ZNF423: variants seen among roughly 807,000 people sequenced by gnomAD.
ZNF423 encodes zinc finger protein 423.
ZNF423 carries 12 observed loss-of-function variants against 95.8 expected under a neutral mutation model. That is an observed-to-expected ratio of 0.13 (90% CI 0.08 to 0.20). ZNF423 has a LOEUF of 0.20. Among genes scored for constraint, ZNF423 ranks in the 10% least tolerant of loss-of-function variants. ZNF423 has a pLI of 1.00. For missense variants in ZNF423, 1,316 were observed against 1,737.1 expected, an observed-to-expected ratio of 0.76 and a Z score of 4.31; for synonymous variants, 749 against 711.9, an observed-to-expected ratio of 1.05 and a Z score of -0.83.
intron 2 of ZNF423, among the ~76,000 whole-genome samples, chr16:49,774,432 G>A (rs1461371802): frequency 6.6e-6 from 1 of 152,148 alleles, no homozygotes; most frequent in Admixed American, 6.5e-5. Context: ...AGGAGAGGGA[G>A]AGGGGGCTCC....
intron 3 of ZNF423, among the ~76,000 whole-genome samples, chr16:49,655,535 A>C (rs2029867501): frequency 1.3e-5 from 2 of 152,192 alleles, no homozygotes; most frequent in Admixed American, 6.5e-5. Context: ...GTCCCCTTCC[A>C]CGTGGGGGCT....
At chr16:49,858,919 C>A (rs1244863145), upstream of ZNF423, among the ~76,000 whole-genome samples, 1 of 152,154 alleles carries the variant, frequency 6.6e-6, no homozygotes, top group Admixed American at 6.5e-5. This position sits in a 1 kb window ranked among gnomAD's most constrained non-coding sequence, Gnocchi z 4.3. Flanking sequence ...AGATGGCACA[C>A]GCTGGGGGAG....
chr16:49,797,982 G>A (rs2034525096), intron 1 of ZNF423, among the ~76,000 whole-genome samples: 1 of 152,184 alleles, frequency 6.6e-6, no homozygotes, highest in Non-Finnish European at 1.5e-5. Context: ...GGCCAAGGCA[G>A]GACGATTGCT....
chr16:49,620,295 C>A lies in ZNF423; in HGVS notation c.3601+5875G>T, dbSNP rs115548079. Among the ~76,000 whole-genome samples the A allele has an allele frequency of 2.3e-3, 351 of 152,228 alleles. 1 individual carries two copies. The highest frequency in any genetic ancestry group is 8.2e-3 in the African/African-American group (341 of 41,504). On this transcript the variant is annotated intron_variant, in intron 5 of 7. Transcript: ENST00000563137. ...CCCTCCAGGTTGGCCAGGGCCAGTC[C>A]TGCCACAGTGACAGGGGAGGGCTGG...
At chr16:49,674,687 C>T (rs2151929286) in intron 3 of ZNF423, among the ~76,000 whole-genome samples, 1 of 152,316 alleles carries the variant, frequency 6.6e-6, no homozygotes, top group Admixed American at 6.5e-5. Context: ...GGCAGCCACG[C>T]AGTGCTGTGC....
At chr16:49,619,781 C>A (rs1237902856) in intron 5 of ZNF423, among the ~76,000 whole-genome samples, 1 of 152,088 alleles carries the variant, frequency 6.6e-6, no homozygotes, top group Non-Finnish European at 1.5e-5. Context: ...CTGACACAGC[C>A]CGGTTCAGCA....
At chr16:49,808,463 C>G (rs1010428191) in intron 1 of ZNF423, among the ~76,000 whole-genome samples, 1 of 152,184 alleles carries the variant, frequency 6.6e-6, no homozygotes, top group East Asian at 1.9e-4. Context: ...AACCATTCAC[C>G]TATCAGCCAC....
intron 5 of ZNF423, among the ~76,000 whole-genome samples, chr16:49,598,916 A>G (rs1449161869): frequency 6.6e-6 from 1 of 152,222 alleles, no homozygotes; most frequent in Non-Finnish European, 1.5e-5. Flanking sequence ...TAGGTTCAAA[A>G]CTGGATGCTC....
At chr16:49,854,730 G>C (rs1442933216) in intron 1 of ZNF423, 1 of 985,320 alleles carries the variant, frequency 1.0e-6, no homozygotes, top group Non-Finnish European at 1.2e-6. Flanking sequence ...CTCTGCTGCC[G>C]GCGCGCGGCC....
At chr16:49,742,204 G>A (rs1205215797) in intron 2 of ZNF423, among the ~76,000 whole-genome samples, 1 of 152,026 alleles carries the variant, frequency 6.6e-6, no homozygotes, top group East Asian at 1.9e-4. Flanking sequence ...CTCCCTGCAG[G>A]GCTCAGCTGC....
intron 3 of ZNF423, among the ~76,000 whole-genome samples, chr16:49,652,403 C>G (rs1051341944): frequency 2.6e-5 from 4 of 151,888 alleles, no homozygotes; most frequent in Admixed American, 1.3e-4. Context: ...TGGCTGTGAT[C>G]AAACTTGCTA....
chr16:49,768,611 A>G lies in ZNF423; in HGVS notation c.100+20876T>C, dbSNP rs1469525152. ...TCCTTCCTCCCTGACACCTTTCTCC[A>G]TCTCCTCAGTCTCTCCTCATCATCC... is the stretch of plus-strand genomic sequence containing the variant. On this transcript the variant is annotated intron_variant, in intron 2 of 7. Transcript: ENST00000563137. 2.6e-5 allele frequency among the ~76,000 whole-genome samples: 4 copies of G among 151,832 alleles called. No individual in the cohort carries two copies. The East Asian group carries it at 7.8e-4, about 30-fold the overall frequency.
chr16:49,757,374 C>T (rs1355433828), intron 2 of ZNF423, among the ~76,000 whole-genome samples: 1 of 152,204 alleles, frequency 6.6e-6, no homozygotes, highest in East Asian at 1.9e-4. Flanking sequence ...AAACCACTAT[C>T]CTGTTCCCAT....
chr16:49,544,820 C>G (rs1440640269), intron 5 of ZNF423, among the ~76,000 whole-genome samples: 1 of 152,274 alleles, frequency 6.6e-6, no homozygotes, highest in Non-Finnish European at 1.5e-5. Context: ...AGACGTAACT[C>G]CAGGGGATCG....
chr16:49,645,603 C>T (rs910119699), intron 3 of ZNF423, among the ~76,000 whole-genome samples: 6 of 152,184 alleles, frequency 3.9e-5, no homozygotes, highest in African/African-American at 1.4e-4. Flanking sequence ...AGAGATGAGG[C>T]TTTGGTGTTC....
chr16:49,546,722 C>T (rs1280083870), intron 5 of ZNF423, among the ~76,000 whole-genome samples: 8 of 152,164 alleles, frequency 5.3e-5, no homozygotes, highest in East Asian at 1.9e-4. Context: ...TAATGCTTTT[C>T]GAATATTCCC....
At chr16:49,699,913 G>C (rs547054631) in intron 3 of ZNF423, among the ~76,000 whole-genome samples, 1 of 152,246 alleles carries the variant, frequency 6.6e-6, no homozygotes, top group East Asian at 1.9e-4. Context: ...CAGAAAAATA[G>C]TGGACCCCAC....
At chr16:49,537,317 C>T (rs948551654) in intron 5 of ZNF423, among the ~76,000 whole-genome samples, 15 of 152,328 alleles carry the variant, frequency 9.8e-5, no homozygotes, top group African/African-American at 3.4e-4. Context: ...GCCTTTTAAG[C>T]CGGCTGAGCC....
intron 5 of ZNF423, among the ~76,000 whole-genome samples, chr16:49,593,663 A>G (rs1436516343): frequency 2.0e-5 from 3 of 152,066 alleles, no homozygotes; most frequent in Non-Finnish European, 4.4e-5. Flanking sequence ...CTCCATCTGT[A>G]TACATGAAAC....
Sources: allele counts gnomAD v4.1 joint callset (sites outside exome capture counted in the v4.1 genomes callset), GRCh38; gene constraint gnomAD v4.1.1; non-coding constraint Gnocchi (gnomAD v3.1); transcripts MANE v1.5; gene names NCBI Gene and HGNC (gene_info 2026-07-23, HGNC 2026-07-21).